ADGRA3: variants seen among roughly 807,000 people sequenced by gnomAD.
The protein encoded by ADGRA3 is G-protein coupled receptor 125.
In ADGRA3, 56 loss-of-function variants were observed where a neutral mutation model predicts 119.8. That is an observed-to-expected ratio of 0.47 (90% CI 0.38 to 0.58). The LOEUF is 0.58. Among genes scored for constraint, ADGRA3 ranks in the 20% least tolerant of loss-of-function variants. The pLI is 0.00. For missense variants in ADGRA3, 1,516 were observed against 1,649.0 expected, an observed-to-expected ratio of 0.92 and a Z score of 1.40; for synonymous variants, 607 against 623.8, an observed-to-expected ratio of 0.97 and a Z score of 0.40.
chr4:22,424,862 A>G (rs1299840237), intron 10 of ADGRA3, among the ~76,000 whole-genome samples: 3 of 152,154 alleles, frequency 2.0e-5, no homozygotes, highest in African/African-American at 7.2e-5. Context: ...ATTTGAGGTC[A>G]AGAGTTCGAG....
At chr4:22,395,862 T>C (rs1714328531) in intron 16 of ADGRA3, among the ~76,000 whole-genome samples, 1 of 152,184 alleles carries the variant, frequency 6.6e-6, no homozygotes, top group South Asian at 2.1e-4. Flanking sequence ...AGTTGACAAG[T>C]AGAATGGTCT....
chr4:22,468,223 T>C (rs61792038), intron 2 of ADGRA3, among the ~76,000 whole-genome samples: 8,324 of 152,250 alleles, frequency 0.055, 249 homozygotes, highest in Middle Eastern at 0.13. Flanking sequence ...CTAGGAAATC[T>C]TTCTCCAAAC....
At chr4:22,465,642 C>T (rs575551129) in intron 2 of ADGRA3, among the ~76,000 whole-genome samples, 1 of 152,102 alleles carries the variant, frequency 6.6e-6, no homozygotes, top group South Asian at 2.1e-4. Flanking sequence ...TTATAATCAC[C>T]CTAGGAGGCA....
intron 10 of ADGRA3, among the ~76,000 whole-genome samples, chr4:22,427,663 G>T (rs1339379768): frequency 6.6e-6 from 1 of 152,106 alleles, no homozygotes; most frequent in Admixed American, 6.5e-5. Flanking sequence ...AAGTAGCTCT[G>T]AATATGTCAC....
intron 1 of ADGRA3, among the ~76,000 whole-genome samples, chr4:22,503,863 A>G (rs879466105): frequency 6.6e-5 from 10 of 152,154 alleles, no homozygotes. Context: ...GGGAACCTCT[A>G]TGTCTCCCTA....
Position 22,421,975 on chromosome 4 carries a change from C to G in ADGRA3, c.1606-886G>C, listed in dbSNP as rs1365820931. ...GAAAAATCATCTGAAAAATATGGCACCTGCCCTAGAGTTTTAAAGGAATTC... is the reference window on the plus strand; with the variant it reads ...GAAAAATCATCTGAAAAATATGGCAGCTGCCCTAGAGTTTTAAAGGAATTC... On this transcript the variant is annotated intron_variant, in intron 11 of 18. Coordinates refer to ENST00000334304, the MANE Select transcript of ADGRA3 (RefSeq NM_145290.4). 2.0e-5 allele frequency among the ~76,000 whole-genome samples: 3 copies of G among 150,332 alleles called. No individual in the cohort carries two copies. The South Asian group carries it at 6.3e-4, about 31-fold the overall frequency.
At chr4:22,490,899 C>A (rs534236956) in intron 1 of ADGRA3, among the ~76,000 whole-genome samples, 2 of 152,082 alleles carry the variant, frequency 1.3e-5, no homozygotes, top group Non-Finnish European at 2.9e-5. Flanking sequence ...GGTCGGAAGT[C>A]CAGGCACAGG....
intron 4 of ADGRA3, among the ~76,000 whole-genome samples, chr4:22,448,068 T>A: frequency 6.6e-6 from 1 of 152,142 alleles, no homozygotes; most frequent in East Asian, 1.9e-4. Flanking sequence ...TATCCTGTGT[T>A]AGCAGGCTTC....
intron 11 of ADGRA3, among the ~76,000 whole-genome samples, chr4:22,422,372 T>C (rs1272005396): frequency 6.6e-6 from 1 of 151,750 alleles, no homozygotes; most frequent in Non-Finnish European, 1.5e-5. Flanking sequence ...TGAGAGAAAA[T>C]AATTAGTGGT....
rs548721723 is a variant in ADGRA3, at chr4:22,424,021, A to AATAACTTATAAAATGTT, written c.1605+153_1605+169dup. ...ATAAAATGTTAAGAAGAAATTCTGT[A>AATAACTTATAAAATGTT]ATAACTTATAAAATGTTATAACTTA... On this transcript the variant is annotated intron_variant, in intron 11 of 18. Transcript: ENST00000334304. 6.8e-3 allele frequency among the ~76,000 whole-genome samples: 1,040 copies of AATAACTTATAAAATGTT among 152,256 alleles called. 10 individuals are homozygous for AATAACTTATAAAATGTT. The highest frequency in any genetic ancestry group is 0.027 in the South Asian group (130 of 4,802).
rs200043303 is a variant in ADGRA3, at chr4:22,424,223, G to A, written c.1573C>T (p.Arg525Trp). The change falls in exon 11 of 19, where the codon CGG becomes TGG. Residue 525 changes from arginine (R) to tryptophan (W), a missense_variant. Arg to Trp is a moderately radical substitution (Grantham distance 101). Around this residue, in one of 2 missense-constraint regions of ADGRA3, gnomAD observed 1,088 missense variants for 1,107.1 expected, o/e 0.98. Coordinates refer to ENST00000334304, the MANE Select transcript of ADGRA3 (RefSeq NM_145290.4). ...VQCLQRIATYRLAGGAHVYST... is the reference protein window; with the variant it reads ...VQCLQRIATYWLAGGAHVYST... ...TAAACGTGAGCTCCACCGGCTAGCC[G>A]GTAGGTAGCAATGCGCTGAAGACAC... The A allele has an allele frequency of 7.9e-5, 128 of 1,612,158 alleles. No homozygotes were observed. Among genetic ancestry groups the A allele is most frequent in the East Asian group, 6.7e-5 (3 of 44,848 alleles).
intron 1 of ADGRA3, among the ~76,000 whole-genome samples, chr4:22,511,381 T>C (rs1274620842): frequency 6.6e-6 from 1 of 152,172 alleles, no homozygotes; most frequent in Non-Finnish European, 1.5e-5. Flanking sequence ...AAAGTCTACC[T>C]GAGACACGGG....
intron 10 of ADGRA3, among the ~76,000 whole-genome samples, chr4:22,434,870 A>C (rs1224004106): frequency 2.6e-5 from 4 of 152,198 alleles, no homozygotes; most frequent in Non-Finnish European, 5.9e-5. Context: ...AAAAGTGCCT[A>C]AACAGCCTCT....
chr4:22,513,584 T>C (rs572264371), intron 1 of ADGRA3, among the ~76,000 whole-genome samples: 1 of 151,240 alleles, frequency 6.6e-6, no homozygotes, highest in East Asian at 2.0e-4. Context: ...CGATTTCGGC[T>C]CACTGCAATC....
At chr4:22,477,418 T>G (rs1464200921) in intron 1 of ADGRA3, among the ~76,000 whole-genome samples, 1 of 152,230 alleles carries the variant, frequency 6.6e-6, no homozygotes, top group Non-Finnish European at 1.5e-5. Context: ...GTTTTAATTT[T>G]CTATATTTAA....
chr4:22,433,565 C>T (rs11935142), intron 10 of ADGRA3, among the ~76,000 whole-genome samples: 100,746 of 151,438 alleles, frequency 0.67, 34,260 homozygotes, highest in Non-Finnish European at 0.74. Flanking sequence ...CAGCCGACCA[C>T]TCTTCCACAG....
chr4:22,447,915 G>A (rs957651545), intron 4 of ADGRA3, among the ~76,000 whole-genome samples: 11 of 152,116 alleles, frequency 7.2e-5, no homozygotes, highest in South Asian at 2.1e-4. Context: ...ATAACAAAAG[G>A]AAAAGGATGG....
At chr4:22,462,578 G>C (rs1717505865) in intron 2 of ADGRA3, among the ~76,000 whole-genome samples, 1 of 152,162 alleles carries the variant, frequency 6.6e-6, no homozygotes, top group Non-Finnish European at 1.5e-5. Context: ...GTCTTTCAAA[G>C]TGCTGGGATT....
intron 2 of ADGRA3, among the ~76,000 whole-genome samples, chr4:22,470,605 C>T (rs534664623): frequency 1.7e-4 from 26 of 152,256 alleles, no homozygotes; most frequent in African/African-American, 5.5e-4. Flanking sequence ...TACACCATAC[C>T]CTATCTGCTG....
Sources: allele counts gnomAD v4.1 joint callset (sites outside exome capture counted in the v4.1 genomes callset), GRCh38; gene constraint gnomAD v4.1.1; regional missense constraint gnomAD v4.1.1; transcripts MANE v1.5; gene names NCBI Gene and HGNC (gene_info 2026-07-23, HGNC 2026-07-21).